CADM2: variants seen among roughly 807,000 people sequenced by gnomAD.
CADM2 encodes the protein cell adhesion molecule 2.
A neutral mutation model predicts 49.8 loss-of-function variants in CADM2; 12 were observed. The observed-to-expected ratio is 0.24, with a 90% CI of 0.15 to 0.39. CADM2 has a LOEUF of 0.39. Among genes scored for constraint, CADM2 ranks in the 10% least tolerant of loss-of-function variants. CADM2 has a pLI of 1.00. For synonymous variants in CADM2, 214 were observed against 175.4 expected, an observed-to-expected ratio of 1.22 and a Z score of -1.74; for missense variants, 378 against 492.3, an observed-to-expected ratio of 0.77 and a Z score of 2.20.
intron 1 of CADM2, among the ~76,000 whole-genome samples, chr3:85,107,703 CTTTT>C (rs60535953): frequency 1.0e-5 from 1 of 95,264 alleles, no homozygotes; most frequent in Non-Finnish European, 2.1e-5. Context: ...CTTTCTCTTT[CTTTT>C]TTTTTTTTTT....
intron 1 of CADM2, among the ~76,000 whole-genome samples, chr3:85,241,593 T>A (rs994328937): frequency 1.3e-5 from 2 of 151,580 alleles, no homozygotes; most frequent in African/African-American, 4.8e-5. Flanking sequence ...AAATGTTCAG[T>A]TGTTCAAAAA....
intron 6 of CADM2, among the ~76,000 whole-genome samples, chr3:85,917,481 T>C (rs1016436356): frequency 6.6e-6 from 1 of 152,170 alleles, no homozygotes; most frequent in African/African-American, 2.4e-5. Flanking sequence ...TAGTTGTAGA[T>C]ATGCAGCATT....
intron 3 of CADM2, among the ~76,000 whole-genome samples, chr3:85,871,715 A>G (rs1467811335): frequency 6.6e-6 from 1 of 152,146 alleles, no homozygotes; most frequent in Admixed American, 6.6e-5. Flanking sequence ...TGTCATCATC[A>G]TCATCATCAT....
chr3:85,374,736 T>C (rs1232732399), intron 1 of CADM2, among the ~76,000 whole-genome samples: 1 of 152,110 alleles, frequency 6.6e-6, no homozygotes, highest in Admixed American at 6.6e-5. Flanking sequence ...CAAGACAGCA[T>C]GTGCAGAAAA....
intron 1 of CADM2, among the ~76,000 whole-genome samples, chr3:85,697,904 C>T (rs2066620242): frequency 6.6e-6 from 1 of 152,122 alleles, no homozygotes; most frequent in African/African-American, 2.4e-5. Flanking sequence ...AGTCATTGAA[C>T]TTAGTGTGTG....
intron 1 of CADM2, among the ~76,000 whole-genome samples, chr3:85,476,685 A>C (rs1365216173): frequency 6.6e-6 from 1 of 151,928 alleles, no homozygotes; most frequent in Non-Finnish European, 1.5e-5. Flanking sequence ...AATTAGTTGC[A>C]AAACAAAGAG....
chr3:86,034,537 T>C (rs2107178319), intron 8 of CADM2, among the ~76,000 whole-genome samples: 1 of 152,168 alleles, frequency 6.6e-6, no homozygotes, highest in Non-Finnish European at 1.5e-5. Flanking sequence ...GAAATAAATG[T>C]ATGCTATTTA....
intron 2 of CADM2, among the ~76,000 whole-genome samples, chr3:85,768,851 A>G (rs1291305232): frequency 4.6e-3 from 1 of 218 alleles, no homozygotes; most frequent in African/African-American, 0.025. Context: ...GTATATATAC[A>G]CATATATACA....
intron 3 of CADM2, among the ~76,000 whole-genome samples, chr3:85,821,980 AAC>A (rs1321231341): frequency 5.3e-5 from 8 of 152,188 alleles, no homozygotes; most frequent in Non-Finnish European, 1.2e-4. Flanking sequence ...ATTAGAACTA[AAC>A]ACAAAGTTAT....
intron 2 of CADM2, among the ~76,000 whole-genome samples, chr3:85,736,906 T>C (rs902652041): frequency 6.6e-6 from 1 of 152,188 alleles, no homozygotes; most frequent in Non-Finnish European, 1.5e-5. Flanking sequence ...TGGTCAGTGG[T>C]AATGTCAGAG....
intron 1 of CADM2, among the ~76,000 whole-genome samples, chr3:85,244,452 A>G (rs1437822543): frequency 6.6e-6 from 1 of 152,210 alleles, no homozygotes; most frequent in African/African-American, 2.4e-5. Flanking sequence ...ATAACATTAG[A>G]TAATACCGTA....
At chr3:85,675,642 T>G (rs1187105184) in intron 1 of CADM2, among the ~76,000 whole-genome samples, 1 of 152,172 alleles carries the variant, frequency 6.6e-6, no homozygotes, top group Non-Finnish European at 1.5e-5. Context: ...GAGTAGTTGT[T>G]TAATGACAAT....
chr3:85,079,767 A>G (rs979521691), intron 1 of CADM2, among the ~76,000 whole-genome samples: 1 of 151,934 alleles, frequency 6.6e-6, no homozygotes, highest in African/African-American at 2.4e-5. Flanking sequence ...ACAACCTGTA[A>G]TTAAAATACC....
chr3:85,121,118 G>A (rs1056133790), intron 1 of CADM2, among the ~76,000 whole-genome samples: 1 of 152,180 alleles, frequency 6.6e-6, no homozygotes, highest in Admixed American at 6.5e-5. Context: ...GAGAGCAGAA[G>A]GAAGGTGTTC....
At chr3:85,072,066 A>C (rs2036767119) in intron 1 of CADM2, among the ~76,000 whole-genome samples, 1 of 151,544 alleles carries the variant, frequency 6.6e-6, no homozygotes, top group Admixed American at 6.6e-5. Flanking sequence ...AATCTATAAG[A>C]AGTTAATTAT....
rs201138458 is a variant in CADM2 at position 85,566,491 on chromosome 3, C to T, written c.62-160031C>T. Among the ~76,000 whole-genome samples the T allele has an allele frequency of 7.9e-5, 12 of 152,208 alleles. No homozygotes were observed. In the East Asian group the frequency reaches 2.1e-3, roughly 27 times the overall value. On this transcript the variant is annotated intron_variant, in intron 1 of 9. Transcript: ENST00000383699. ...GATGCCTTGTTGAGCACTGTTTCTG[C>T]TTTTACCCAAGGCAATGATCAGAAA...
chr3:85,874,243 G>T (rs779199192), intron 3 of CADM2, among the ~76,000 whole-genome samples: 1 of 152,112 alleles, frequency 6.6e-6, no homozygotes, highest in Non-Finnish European at 1.5e-5. Context: ...ACAACTTCGG[G>T]ATTATTAGAA....
intron 1 of CADM2, among the ~76,000 whole-genome samples, chr3:85,253,238 G>A (rs1237129763): frequency 1.3e-5 from 2 of 152,068 alleles, no homozygotes; most frequent in African/African-American, 2.4e-5. Context: ...ATGCATGATT[G>A]CAGAGGAAAA....
intron 1 of CADM2, among the ~76,000 whole-genome samples, chr3:85,062,089 C>CACACACACACACACAA: frequency 6.8e-6 from 1 of 147,792 alleles, no homozygotes; most frequent in African/African-American, 2.5e-5. Context: ...CACACACACG[C>CACACACACACACACAA]ACACACACAC....
Sources: allele counts gnomAD v4.1 joint callset (sites outside exome capture counted in the v4.1 genomes callset), GRCh38; gene constraint gnomAD v4.1.1; transcripts MANE v1.5; gene names NCBI Gene and HGNC (gene_info 2026-07-23, HGNC 2026-07-21).